Variants in ETF1 observed in about 807,000 individuals in gnomAD.
The protein encoded by ETF1 is eukaryotic translation termination factor 1, also known as eukaryotic peptide chain release factor subunit 1.
ETF1 carries 4 observed loss-of-function variants against 55.1 expected under a neutral mutation model. The ratio of observed to expected loss-of-function variants is 0.07; its 90% CI spans 0.04 to 0.17. The LOEUF is 0.17. Ranked by LOEUF, ETF1 falls within the 10% of genes least tolerant of loss-of-function variation. The pLI is 1.00. For missense variants in ETF1, 142 were observed against 523.6 expected, an observed-to-expected ratio of 0.27 and a Z score of 7.11; for synonymous variants, 157 against 182.3, an observed-to-expected ratio of 0.86 and a Z score of 1.12.
intron 7 of ETF1, 133 bp from the exon 8 acceptor site, chr5:138,511,333 C>T: frequency 6.7e-7 from 1 of 1,500,838 alleles, no homozygotes; most frequent in South Asian, 1.4e-5. Context: ...AATAAAAATA[C>T]TAAATATTCC....
intron 4 of ETF1, chr5:138,514,154 G>A (rs1328635233): frequency 6.5e-6 from 1 of 152,990 alleles, no homozygotes; most frequent in Non-Finnish European, 1.5e-5. Context: ...TGAGGTTCCT[G>A]GAGTAATCAA....
At chr5:138,511,633 C>T in intron 6 of ETF1, 29 bp from the exon 7 acceptor site, 1 of 1,561,166 alleles carries the variant, frequency 6.4e-7, no homozygotes, top group African/African-American at 1.4e-5. Context: ...ATTATTAGTA[C>T]TTACTGGTAC....
chr5:138,525,943 TAAAAAA>T (rs35058160), intron 2 of ETF1, among the ~76,000 whole-genome samples: 1 of 133,822 alleles, frequency 7.5e-6, no homozygotes, highest in East Asian at 2.2e-4. Context: ...AGACTCTGTT[TAAAAAA>T]AAAAAAAAAA....
At chr5:138,522,723 T>C (rs942145753) in intron 2 of ETF1, among the ~76,000 whole-genome samples, 5 of 152,122 alleles carry the variant, frequency 3.3e-5, no homozygotes, top group African/African-American at 7.2e-5. Context: ...TTACACTACA[T>C]TGGCCAGGTG....
At chr5:138,512,225 A>AAT (rs71867448) in intron 6 of ETF1, among the ~76,000 whole-genome samples, 15 of 44,130 alleles carry the variant, frequency 3.4e-4, no homozygotes, top group South Asian at 2.8e-3. Flanking sequence ...AAAAAAAAAA[A>AAT]ATATATATAT....
At chr5:138,523,379 A>G (rs888986553) in intron 2 of ETF1, among the ~76,000 whole-genome samples, 1 of 141,656 alleles carries the variant, frequency 7.1e-6, no homozygotes, top group African/African-American at 2.7e-5. Flanking sequence ...GGAAAAAACA[A>G]AAAAATTAGC....
At chr5:138,527,855 C>T (rs1580706826) in intron 2 of ETF1, among the ~76,000 whole-genome samples, 1 of 152,178 alleles carries the variant, frequency 6.6e-6, no homozygotes. Flanking sequence ...TCACTGCAAC[C>T]TCCGCCTCCT....
chr5:138,513,208 C>T, intron 5 of ETF1: 1 of 985,086 alleles, frequency 1.0e-6, no homozygotes, highest in Non-Finnish European at 1.2e-6. Context: ...CATCTGGATT[C>T]ACTCCCCTCA....
intron 6 of ETF1, 71 bp from the exon 7 acceptor site, chr5:138,511,675 C>T: frequency 6.7e-7 from 1 of 1,490,712 alleles, no homozygotes; most frequent in Non-Finnish European, 8.9e-7. Flanking sequence ...CACCTTTACT[C>T]AAACCCACTA....
At chr5:138,543,001 A>C in intron 1 of ETF1, 65 bp from the exon 2 acceptor site, 1 of 1,462,254 alleles carries the variant, frequency 6.8e-7, no homozygotes, top group Non-Finnish European at 9.4e-7. Flanking sequence ...GCTGGGGCAG[A>C]GCGGCCCCCT....
Position 138,542,802 on chromosome 5 carries a change from G to A in ETF1, c.86+31C>T, listed in dbSNP as rs754851441. 4.2e-5 allele frequency: 68 copies of A among 1,609,708 alleles called. No homozygotes were observed. In the Middle Eastern group the frequency reaches 5.2e-4, roughly 12 times the overall value. Reference sequence around the variant, plus strand: ...ATCCTGAGGGGTCCGGGAACCAAGAGGGCACGGAGGGTGCCGGACGCGGCG... The same window carrying A: ...ATCCTGAGGGGTCCGGGAACCAAGAAGGCACGGAGGGTGCCGGACGCGGCG... On this transcript the variant is annotated intron_variant, in intron 2 of 10. Transcript: ENST00000360541.
At position 138,508,276 on chromosome 5, in the gene ETF1, G is replaced by C. The variant is rs768384309; in HGVS notation, c.*29C>G. 1 of 1,608,360 alleles carries C rather than the reference G, an allele frequency of 6.2e-7. No homozygotes were observed. The highest frequency in any genetic ancestry group is 1.7e-5 in the Admixed American group (1 of 59,392). Reference sequence around the variant, plus strand: ...CTTGGGTTGGATGCTGGAGGGTGAGGCACGTTTTGCCGGACCCATGTCGAC... The same window carrying C: ...CTTGGGTTGGATGCTGGAGGGTGAGCCACGTTTTGCCGGACCCATGTCGAC... On this transcript the variant is annotated 3_prime_UTR_variant, in exon 11 of 11. Coordinates refer to ENST00000360541, the MANE Select transcript of ETF1 (RefSeq NM_004730.4).
chr5:138,535,874 CAAAA>C lies in ETF1; in HGVS notation c.86+6955_86+6958del, dbSNP rs35261297. On this transcript the variant is annotated intron_variant, in intron 2 of 10. Coordinates refer to ENST00000360541, the MANE Select transcript of ETF1 (RefSeq NM_004730.4). ...TGGGCGGGAAAGCGAGACTCCGCCT[CAAAA>C]AAAAAAAAAAAAAAAAAAAAAAGAC... is the stretch of plus-strand genomic sequence containing the variant. Among the ~76,000 whole-genome samples the C allele has an allele frequency of 3.6e-3, 211 of 57,822 alleles. 2 individuals carry two copies. The highest frequency in any genetic ancestry group is 0.014 in the African/African-American group (188 of 12,972). The allele number at this position is 57,822 out of a possible 152,430, so 37.9% of individuals were successfully genotyped here. A position where few individuals can be genotyped will look rare whatever the true frequency, so the allele number is the denominator to read the frequency against.
chr5:138,536,397 G>A (rs1231971463), intron 2 of ETF1, among the ~76,000 whole-genome samples: 5 of 152,190 alleles, frequency 3.3e-5, no homozygotes, highest in African/African-American at 1.2e-4. Flanking sequence ...AGTGGGCAAG[G>A]ATGTGTGTCA....
intron 4 of ETF1, 87 bp from the exon 5 acceptor site, chr5:138,513,793 T>G (rs1764907484): frequency 7.1e-7 from 1 of 1,415,360 alleles, no homozygotes; most frequent in Non-Finnish European, 9.4e-7. Context: ...ACAAGCCCTT[T>G]CACTCCACTC....
At chr5:138,511,330 A>G in intron 7 of ETF1, 130 bp from the exon 8 acceptor site, 1 of 1,507,688 alleles carries the variant, frequency 6.6e-7, no homozygotes, top group Admixed American at 2.4e-5. Context: ...GTTAATAAAA[A>G]TACTAAATAT....
chr5:138,512,256 ATATTTTT>A (rs1363086414), intron 6 of ETF1, among the ~76,000 whole-genome samples: 1 of 18,888 alleles, frequency 5.3e-5, no homozygotes, highest in Admixed American at 1.1e-3. Context: ...ATATATATAT[ATATTTTT>A]TTTTTTTTTT....
At chr5:138,540,589 A>G (rs1449869667) in intron 2 of ETF1, among the ~76,000 whole-genome samples, 1 of 152,206 alleles carries the variant, frequency 6.6e-6, no homozygotes, top group Non-Finnish European at 1.5e-5. Flanking sequence ...GAGATGGCCA[A>G]GATTTTAAAT....
intron 2 of ETF1, among the ~76,000 whole-genome samples, chr5:138,536,546 C>A (rs1765940161): frequency 6.6e-6 from 1 of 152,218 alleles, no homozygotes; most frequent in Non-Finnish European, 1.5e-5. Context: ...TTCTCCCCCT[C>A]ACTAAGATAG....
Sources: gnomAD v4.1 joint callset for allele counts (sites outside exome capture counted in the v4.1 genomes callset) on GRCh38, gnomAD v4.1.1 for gene constraint, MANE v1.5 for transcripts, NCBI Gene and HGNC (gene_info 2026-07-23, HGNC 2026-07-21) for gene names.